The following ADAMTSL1 variants were observed in gnomAD, a reference collection of about 807,000 sequenced individuals.
ADAMTSL1 encodes ADAMTS like 1, also known as ADAMTS-like protein 1.
Under a neutral mutation model 201.8 loss-of-function variants are expected in ADAMTSL1, and 126 were observed. The ratio of observed to expected loss-of-function variants is 0.62; its 90% CI spans 0.54 to 0.72. The LOEUF is 0.72. Ranked by LOEUF, ADAMTSL1 falls within the 30% of genes least tolerant of loss-of-function variation. The pLI is 0.00. For synonymous variants in ADAMTSL1, 1,121 were observed against 903.4 expected, an observed-to-expected ratio of 1.24 and a Z score of -4.32; for missense variants, 2,679 against 2,277.8, an observed-to-expected ratio of 1.18 and a Z score of -3.59.
At chr9:18,176,515 A>G (rs1296865195) in intron 2 of ADAMTSL1, among the ~76,000 whole-genome samples, 1 of 152,198 alleles carries the variant, frequency 6.6e-6, no homozygotes, top group Non-Finnish European at 1.5e-5. Context: ...CTTTGAATAC[A>G]TATCTTCATT....
rs1554728661 is a variant in ADAMTSL1, at chr9:18,681,697, T to TGG, written c.1342-104_1342-103dup. 8.0e-4 allele frequency: 193 copies of TGG among 240,180 alleles called. 1 individual carries two copies. The highest frequency in any genetic ancestry group is 4.3e-3 in the African/African-American group (67 of 15,456). The allele number at this position is 240,180 out of a possible 1,614,324, so 14.9% of individuals were successfully genotyped here. A position where few individuals can be genotyped will look rare whatever the true frequency, so the allele number is the denominator to read the frequency against. On this transcript the variant is annotated intron_variant, in intron 11 of 28. Transcript: ENST00000380548. ...TATAAATTTACCAGGAGTCCTCGTGTGGGGGGGGGGGGCGGGGAAAAAGAA... is the reference window on the plus strand; with the variant it reads ...TATAAATTTACCAGGAGTCCTCGTGTGGGGGGGGGGGGGGCGGGGAAAAAGAA...
At chr9:18,067,907 T>G (rs7023535) in intron 1 of ADAMTSL1, among the ~76,000 whole-genome samples, 2,008 of 152,256 alleles carry the variant, frequency 0.013, 62 homozygotes, top group African/African-American at 0.045. Flanking sequence ...TCTCCTGAGA[T>G]TCAAACAGGA....
intron 3 of ADAMTSL1, among the ~76,000 whole-genome samples, chr9:18,559,468 T>C (rs1396739074): frequency 6.6e-6 from 1 of 152,212 alleles, no homozygotes; most frequent in Non-Finnish European, 1.5e-5. Context: ...TCTTTTTGCT[T>C]AGAATTTTCT....
intron 1 of ADAMTSL1, among the ~76,000 whole-genome samples, chr9:17,948,513 G>C (rs897468763): frequency 2.0e-5 from 3 of 152,160 alleles, no homozygotes; most frequent in Non-Finnish European, 2.9e-5. Flanking sequence ...TTTTATTAGG[G>C]AGTGCTGTGT....
intron 16 of ADAMTSL1, among the ~76,000 whole-genome samples, chr9:18,769,453 G>T (rs764546287): frequency 5.3e-5 from 8 of 152,170 alleles, no homozygotes; most frequent in Non-Finnish European, 1.2e-4. Flanking sequence ...CTTAGCTAGG[G>T]TTATGTCAGA....
intron 15 of ADAMTSL1, among the ~76,000 whole-genome samples, chr9:18,733,467 C>G (rs750146311): frequency 3.2e-4 from 49 of 152,228 alleles, no homozygotes; most frequent in African/African-American, 1.0e-3. Flanking sequence ...AGTTATTAGG[C>G]AAAAAGCTCA....
chr9:18,777,782 C>T lies in ADAMTSL1; in HGVS notation c.3553C>T (p.Leu1185=). ...CTCAGCCTCGGAGGTGGTCACCCAC[C>T]TGGGGCAGACGGTGGCCCTGGCCAG... The part of the protein sequence containing the change: ...QLSASEVVTH[L]GQTVALASGT... Residue 1185 remains leucine (L), a synonymous_variant, in exon 19 of 29, where the codon CTG becomes TTG. Coordinates refer to ENST00000380548, the MANE Select transcript of ADAMTSL1 (RefSeq NM_001040272.6). 6.2e-7 allele frequency: 1 copy of T among 1,613,788 alleles called. No homozygotes were observed. The highest frequency in any genetic ancestry group is 8.5e-7 in the Non-Finnish European group (1 of 1,179,848).
intron 2 of ADAMTSL1, among the ~76,000 whole-genome samples, chr9:18,355,713 T>A (rs1197475961): frequency 6.6e-6 from 1 of 152,146 alleles, no homozygotes; most frequent in Non-Finnish European, 1.5e-5. Flanking sequence ...AATTAAAAAA[T>A]TAAAAAATGC....
chr9:18,267,470 A>G (rs370951742), intron 2 of ADAMTSL1, among the ~76,000 whole-genome samples: 1 of 152,138 alleles, frequency 6.6e-6, no homozygotes, highest in African/African-American at 2.4e-5. Context: ...CCACCAGAAG[A>G]GAGGACAAAT....
chr9:18,621,560 ACACACACACACACACAC>A (rs1322907392), intron 4 of ADAMTSL1, among the ~76,000 whole-genome samples: 1 of 64,220 alleles, frequency 1.6e-5, no homozygotes, highest in Non-Finnish European at 3.2e-5. Context: ...CCTCTTCCAC[ACACACACACACACACAC>A]ACACACACAC....
chr9:18,325,888 G>A (rs1270916833), intron 2 of ADAMTSL1, among the ~76,000 whole-genome samples: 2 of 152,132 alleles, frequency 1.3e-5, no homozygotes, highest in Admixed American at 6.5e-5. Context: ...TTACAGGCAT[G>A]CACCACTACG....
chr9:17,924,281 T>A (rs1008942167), intron 1 of ADAMTSL1, among the ~76,000 whole-genome samples: 2 of 152,158 alleles, frequency 1.3e-5, no homozygotes, highest in Non-Finnish European at 2.9e-5. Flanking sequence ...GGTAAACTAT[T>A]GATTATTGCC....
chr9:18,074,684 G>A (rs1390335894), intron 1 of ADAMTSL1, among the ~76,000 whole-genome samples: 1 of 151,712 alleles, frequency 6.6e-6, no homozygotes, highest in Non-Finnish European at 1.5e-5. Flanking sequence ...TCTGCCTCCT[G>A]GGTTCAAGTG....
Position 18,336,070 on chromosome 9 carries a change from A to G in ADAMTSL1, c.208-168759A>G, listed in dbSNP as rs923394039. On this transcript the variant is annotated intron_variant, in intron 2 of 29. Transcript: ENST00000680146. Reference sequence around the variant, plus strand: ...AAGTTCAGGTTTTATTTCATTGCACATAGCATAAACTGGAATTTAATACTT... The same window carrying G: ...AAGTTCAGGTTTTATTTCATTGCACGTAGCATAAACTGGAATTTAATACTT... Among the ~76,000 whole-genome samples, 7 of 152,306 alleles carry G rather than the reference A, an allele frequency of 4.6e-5. No homozygotes were observed. In the South Asian group the frequency reaches 6.2e-4, roughly 14 times the overall value.
chr9:18,578,930 G>A (rs1025104801), intron 4 of ADAMTSL1, among the ~76,000 whole-genome samples: 3 of 151,132 alleles, frequency 2.0e-5, no homozygotes, highest in South Asian at 4.3e-4. Flanking sequence ...TCTAACTGGT[G>A]TGAGATGATA....
chr9:18,260,405 C>T (rs937782781), intron 2 of ADAMTSL1, among the ~76,000 whole-genome samples: 5 of 152,258 alleles, frequency 3.3e-5, no homozygotes, highest in African/African-American at 7.2e-5. Flanking sequence ...CAGAAATATT[C>T]CGCAAACATG....
chr9:18,296,712 T>C (rs567323647), intron 2 of ADAMTSL1, among the ~76,000 whole-genome samples: 11 of 152,334 alleles, frequency 7.2e-5, no homozygotes, highest in South Asian at 4.1e-4. Context: ...TAAAGTCCTT[T>C]GCTGGAATAG....
intron 2 of ADAMTSL1, among the ~76,000 whole-genome samples, chr9:18,520,683 A>G (rs951847609): frequency 6.6e-6 from 1 of 152,222 alleles, no homozygotes; most frequent in Non-Finnish European, 1.5e-5. Context: ...GTTCCCAGCC[A>G]GCTCACCTAC....
chr9:18,153,141 GC>G (rs1826992172), intron 1 of ADAMTSL1, among the ~76,000 whole-genome samples: 1 of 152,032 alleles, frequency 6.6e-6, no homozygotes, highest in Admixed American at 6.6e-5. Flanking sequence ...GATTCATTGA[GC>G]TTGCAGTCAG....
Sources: gnomAD v4.1 joint callset for allele counts (sites outside exome capture counted in the v4.1 genomes callset) on GRCh38, gnomAD v4.1.1 for gene constraint, MANE v1.5 for transcripts, NCBI Gene and HGNC (gene_info 2026-07-23, HGNC 2026-07-21) for gene names.